The following CABIN1 variants were observed in gnomAD, a reference collection of about 807,000 sequenced individuals.
CABIN1 encodes the protein calcineurin-binding protein cabin-1.
Under a neutral mutation model 227.7 loss-of-function variants are expected in CABIN1, and 133 were observed. The observed-to-expected ratio is 0.58, with a 90% CI of 0.51 to 0.67. CABIN1 has a LOEUF of 0.67. CABIN1 is among the 30% of genes least tolerant of loss of function. The pLI is 0.00. For missense variants in CABIN1, 2,408 were observed against 2,852.5 expected (o/e 0.84, Z 3.55); for synonymous variants, 1,086 against 1,155.1 (o/e 0.94, Z 1.21).
At chr22:24,136,968 G>A (rs1180414662) in intron 29 of CABIN1, among the ~76,000 whole-genome samples, 1 of 152,122 alleles carries the variant, frequency 6.6e-6, no homozygotes, top group Non-Finnish European at 1.5e-5. Flanking sequence ...TTCTGCAGTT[G>A]ATAGGCGAGT....
intron 10 of CABIN1, 147 bp downstream of exon 10, chr22:24,056,507 A>G (rs1008522576): frequency 2.4e-5 from 19 of 797,206 alleles, no homozygotes; most frequent in Non-Finnish European, 3.3e-5. Context: ...CTGAAGCACA[A>G]ATCTCACTGG....
intron 19 of CABIN1, among the ~76,000 whole-genome samples, chr22:24,082,235 G>A (rs1569183544): frequency 6.6e-6 from 1 of 151,928 alleles, no homozygotes; most frequent in Admixed American, 6.6e-5. Context: ...GACTACAGGT[G>A]TGCACCATCA....
At chr22:24,101,214 A>T (rs1489795187) in intron 26 of CABIN1, among the ~76,000 whole-genome samples, 4 of 152,250 alleles carry the variant, frequency 2.6e-5, no homozygotes, top group Admixed American at 2.6e-4. Flanking sequence ...CTGCCTTCCC[A>T]CATTGGTATG....
In CABIN1 at chr22:24,051,394, C is replaced by G. The variant is rs1373468598; in HGVS notation, c.806+420C>G. On this transcript the variant is annotated intron_variant, in intron 8 of 36. Transcript: ENST00000263119. ...CCGCTCTCAAGTCCATGTTTTCTCT[C>G]TAGGGCCACGTGGGGAGCCCTGCGA... is the stretch of plus-strand genomic sequence containing the variant. Among the ~76,000 whole-genome samples, 5 of 152,018 alleles carry G rather than the reference C, an allele frequency of 3.3e-5. No homozygotes were observed. The East Asian group carries it at 9.7e-4, about 29-fold the overall frequency.
At chr22:24,121,686 G>C (rs2043420371) in intron 28 of CABIN1, among the ~76,000 whole-genome samples, 1 of 152,220 alleles carries the variant, frequency 6.6e-6, no homozygotes. Context: ...ATTGCTTTGG[G>C]AACTTTCCCC....
At chr22:24,148,789 A>AC (rs1001789133) in intron 29 of CABIN1, among the ~76,000 whole-genome samples, 1 of 152,166 alleles carries the variant, frequency 6.6e-6, no homozygotes. Flanking sequence ...CTCAGGCTGC[A>AC]CCCCCCTGCA....
chr22:24,134,416 G>A lies in CABIN1; in HGVS notation c.4746+1G>A, dbSNP rs2044266114. The A allele has an allele frequency of 6.2e-7, 1 of 1,610,140 alleles. No homozygotes were observed. The highest frequency in any genetic ancestry group is 8.5e-7 in the Non-Finnish European group (1 of 1,176,394). On this transcript the variant is annotated splice_donor_variant, in intron 29 of 36. Transcript: ENST00000263119. LOFTEE classifies it high-confidence loss of function. The stretch of plus-strand genomic sequence containing the variant: ...GAGGAACAAGACCAATTTCTTCAAC[G>A]TGAGTACTTTGCCTTGTTGATTTCC...
At chr22:24,034,847 T>C (rs1213582446) in intron 1 of CABIN1, among the ~76,000 whole-genome samples, 1 of 152,246 alleles carries the variant, frequency 6.6e-6, no homozygotes, top group Non-Finnish European at 1.5e-5. Context: ...CAAAACATTT[T>C]GTTCTCCCTA....
intron 17 of CABIN1, among the ~76,000 whole-genome samples, chr22:24,071,373 G>A (rs2040072574): frequency 6.6e-6 from 1 of 152,150 alleles, no homozygotes; most frequent in African/African-American, 2.4e-5. Flanking sequence ...GGGCCAGAGC[G>A]CAGGCCGGGA....
intron 29 of CABIN1, among the ~76,000 whole-genome samples, chr22:24,160,699 G>A (rs1206138963): frequency 6.6e-6 from 1 of 152,244 alleles, no homozygotes; most frequent in Non-Finnish European, 1.5e-5. Flanking sequence ...CATGAGCCAT[G>A]GGCCTGGGCA....
At chr22:24,064,713 T>C (rs1256369945) in intron 15 of CABIN1, among the ~76,000 whole-genome samples, 1 of 151,960 alleles carries the variant, frequency 6.6e-6, no homozygotes, top group African/African-American at 2.4e-5. Flanking sequence ...GGAGTGGTGA[T>C]GACTCTTAAC....
chr22:24,172,190 C>G (rs887888807), intron 34 of CABIN1, among the ~76,000 whole-genome samples, 195 bp downstream of exon 34: 1 of 152,194 alleles, frequency 6.6e-6, no homozygotes, highest in Non-Finnish European at 1.5e-5. Flanking sequence ...GTCAGCACAT[C>G]CTACATCTAC....
At chr22:24,027,940 G>GTTT (rs765677302) in intron 1 of CABIN1, among the ~76,000 whole-genome samples, 1 of 141,718 alleles carries the variant, frequency 7.1e-6, no homozygotes, top group East Asian at 2.0e-4. Context: ...CTACTGGCAG[G>GTTT]TTTTTTTTTT....
At chr22:24,033,467 G>T (rs192436838) in intron 1 of CABIN1, among the ~76,000 whole-genome samples, 1 of 152,332 alleles carries the variant, frequency 6.6e-6, no homozygotes, top group Admixed American at 6.5e-5. Flanking sequence ...GCCCCTAGCA[G>T]TTATTTTAAT....
At chr22:24,045,130 T>A (rs1328489200) in intron 6 of CABIN1, among the ~76,000 whole-genome samples, 3 of 152,220 alleles carry the variant, frequency 2.0e-5, no homozygotes, top group Non-Finnish European at 4.4e-5. Context: ...TTCACCGTGT[T>A]AGCCAGGATG....
chr22:24,030,642 GTT>G (rs1353038782), intron 1 of CABIN1, among the ~76,000 whole-genome samples: 1 of 152,178 alleles, frequency 6.6e-6, no homozygotes, highest in Non-Finnish European at 1.5e-5. Context: ...ACTGTGGACT[GTT>G]TTCAGGGTGT....
chr22:24,062,383 C>T (rs988639574), intron 13 of CABIN1, among the ~76,000 whole-genome samples: 4 of 121,372 alleles, frequency 3.3e-5, no homozygotes, highest in East Asian at 2.3e-4. Flanking sequence ...GGTAAGACAG[C>T]GTCTTGCTCT....
chr22:24,011,449 G>T (rs2034802503), intron 1 of CABIN1, 82 bp downstream of exon 1: 2 of 152,526 alleles, frequency 1.3e-5, no homozygotes, highest in Non-Finnish European at 2.9e-5. Context: ...GGCCGGAGGG[G>T]CTGCAGGCGC....
Position 24,085,104 on chromosome 22 carries a change from C to T in CABIN1, c.3216C>T (p.Ser1072=), listed in dbSNP as rs774332584. ...ADYHFKNKEQ[S]KAIKFYMHDI... ...ATCATTTCAAAAACAAGGAGCAGTC[C>T]AAGGCCATCAAGTTCTACATGCATG... is the stretch of plus-strand genomic sequence containing the variant. Residue 1072 remains serine, a synonymous_variant, in exon 22 of 37, where the codon TCC becomes TCT. Coordinates refer to ENST00000263119, the MANE Select transcript of CABIN1 (RefSeq NM_012295.4). 6 of 1,614,178 alleles carry T rather than the reference C, an allele frequency of 3.7e-6. No homozygotes were observed. The highest frequency in any genetic ancestry group is 5.1e-6 in the Non-Finnish European group (6 of 1,180,018).
Sources: allele counts gnomAD v4.1 joint callset (sites outside exome capture counted in the v4.1 genomes callset), GRCh38; gene constraint gnomAD v4.1.1; transcripts MANE v1.5; gene names NCBI Gene and HGNC (gene_info 2026-07-23, HGNC 2026-07-21).